The following TMEM200A variants were observed in gnomAD, a reference collection of about 807,000 sequenced individuals.
TMEM200A encodes two transmembrane C.
A neutral mutation model predicts 24.3 loss-of-function variants in TMEM200A; 12 were observed. That is an observed-to-expected ratio of 0.49 (90% confidence interval 0.32 to 0.80). The LOEUF is 0.80. TMEM200A is among the 30% of genes least tolerant of loss of function. The probability of loss-of-function intolerance (pLI) is 0.04; values close to 1 mark genes in which losing one functional copy is unlikely to be tolerated. For synonymous variants in TMEM200A, 224 were observed against 224.4 expected, an observed-to-expected ratio of 1.00 and a Z score of 0.02; for missense variants, 545 against 614.4, an observed-to-expected ratio of 0.89 and a Z score of 1.19.
intron 2 of TMEM200A, among the ~76,000 whole-genome samples, chr6:130,385,817 A>T (rs1291569587): frequency 6.6e-6 from 1 of 152,190 alleles, no homozygotes; most frequent in Non-Finnish European, 1.5e-5. Context: ...AACTACAGAA[A>T]TAATTTGCAG....
chr6:130,418,959 A>G (rs528926650), intron 2 of TMEM200A, among the ~76,000 whole-genome samples: 1 of 152,210 alleles, frequency 6.6e-6, no homozygotes, highest in African/African-American at 2.4e-5. Context: ...AATGTACGAT[A>G]CGTTGTTGTT....
chr6:130,412,453 T>C (rs948150982), intron 2 of TMEM200A, among the ~76,000 whole-genome samples: 2 of 152,104 alleles, frequency 1.3e-5, no homozygotes, highest in African/African-American at 4.8e-5. Context: ...ATCTCAGCTC[T>C]CTCAGATTCT....
chr6:130,400,308 C>T (rs1209984463), intron 2 of TMEM200A, among the ~76,000 whole-genome samples: 4 of 152,042 alleles, frequency 2.6e-5, no homozygotes, highest in Non-Finnish European at 5.9e-5. Context: ...ACTTTTAGTT[C>T]TTGAAGGAAT....
At chr6:130,390,846 C>T (rs982915117) in intron 2 of TMEM200A, among the ~76,000 whole-genome samples, 1 of 152,192 alleles carries the variant, frequency 6.6e-6, no homozygotes, top group Middle Eastern at 3.2e-3. Flanking sequence ...TGCTCTCTGT[C>T]AGCTCACCTT....
chr6:130,376,542 C>G (rs1175916180), intron 1 of TMEM200A, among the ~76,000 whole-genome samples: 3 of 152,146 alleles, frequency 2.0e-5, no homozygotes, highest in Admixed American at 1.3e-4. Context: ...CCTTGGGACT[C>G]ACAAAGTGCT....
At chr6:130,382,705 C>T (rs1778628806) in intron 1 of TMEM200A, among the ~76,000 whole-genome samples, 1 of 151,974 alleles carries the variant, frequency 6.6e-6, no homozygotes, top group Non-Finnish European at 1.5e-5. Flanking sequence ...GTGATTTTAC[C>T]ACTGGCAATG....
chr6:130,437,619 A>G (rs1780053441), intron 2 of TMEM200A: 1 of 152,204 alleles, frequency 6.6e-6, no homozygotes, highest in Non-Finnish European at 1.5e-5. Flanking sequence ...GAATGGCTGA[A>G]GAAAATGTGA....
intron 1 of TMEM200A, among the ~76,000 whole-genome samples, chr6:130,374,106 A>G (rs950109448): frequency 1.3e-5 from 2 of 152,202 alleles, no homozygotes; most frequent in African/African-American, 4.8e-5. Flanking sequence ...AGCCAGTGTT[A>G]TACATATCCT....
At chr6:130,434,225 T>A (rs965014528) in intron 2 of TMEM200A, among the ~76,000 whole-genome samples, 1 of 152,018 alleles carries the variant, frequency 6.6e-6, no homozygotes, top group African/African-American at 2.4e-5. Flanking sequence ...GCCAAGGCAC[T>A]GGGACAGCAT....
At chr6:130,439,849 T>G (rs760158101) in intron 2 of TMEM200A, among the ~76,000 whole-genome samples, 7 of 151,982 alleles carry the variant, frequency 4.6e-5, no homozygotes, top group Non-Finnish European at 1.0e-4. Flanking sequence ...AGGGGGAAAT[T>G]AAATGTGGCA....
intron 2 of TMEM200A, among the ~76,000 whole-genome samples, chr6:130,434,771 T>C (rs1779960508): frequency 6.6e-6 from 1 of 152,082 alleles, no homozygotes; most frequent in Non-Finnish European, 1.5e-5. Context: ...AGGCAAATGG[T>C]TCAAAGGGAA....
intron 2 of TMEM200A, among the ~76,000 whole-genome samples, chr6:130,406,016 A>T (rs952444227): frequency 6.6e-6 from 1 of 152,196 alleles, no homozygotes; most frequent in South Asian, 2.1e-4. Flanking sequence ...GCTTCTGGGA[A>T]TAGATGATCC....
At chr6:130,366,009 TG>T (rs1778132286), upstream of TMEM200A, 11 of 985,328 alleles carry the variant, frequency 1.1e-5, no homozygotes, top group Non-Finnish European at 1.3e-5. This position sits in a 1 kb window ranked among gnomAD's most constrained non-coding sequence, Gnocchi z 4.4. Context: ...GGTTTGGGGC[TG>T]GGATCCATCT....
At chr6:130,384,259 C>T (rs963945696) in intron 1 of TMEM200A, among the ~76,000 whole-genome samples, 18 of 152,172 alleles carry the variant, frequency 1.2e-4, no homozygotes, top group African/African-American at 4.1e-4. Flanking sequence ...TATCATGTTA[C>T]TGAAATTTTT....
Position 130,366,140 on chromosome 6 carries a change from G to C in TMEM200A, c.-465G>C. On this transcript the variant is annotated 5_prime_UTR_variant, in exon 1 of 3. Coordinates refer to ENST00000296978, the MANE Select transcript of TMEM200A (RefSeq NM_001258277.2). This position sits in a 1 kb window ranked among gnomAD's most constrained non-coding sequence, Gnocchi z 4.4. ...CCCTGCCCGGCTTGCTGCGCCCGGT[G>C]CCCTCCGAGGGCAGGCGCGCCTGGA... is the stretch of plus-strand genomic sequence containing the variant. 1.0e-6 allele frequency: 1 copy of C among 985,428 alleles called. No individual in the cohort carries two copies. The highest frequency in any genetic ancestry group is 5.2e-4 in the Middle Eastern group (1 of 1,908). 61.0% of individuals were successfully genotyped at this position (985,428 alleles called of 1,614,324 possible).
At chr6:130,404,268 G>A (rs1468214333) in intron 2 of TMEM200A, among the ~76,000 whole-genome samples, 1 of 152,126 alleles carries the variant, frequency 6.6e-6, no homozygotes, top group Non-Finnish European at 1.5e-5. Flanking sequence ...CTTCCACAGA[G>A]GATGAACTAA....
intron 2 of TMEM200A, among the ~76,000 whole-genome samples, chr6:130,417,710 A>G (rs549796061): frequency 4.6e-5 from 7 of 152,188 alleles, no homozygotes; most frequent in Admixed American, 2.6e-4. Context: ...ACATACACAC[A>G]CAAAATTTTA....
rs947379155 is a variant in TMEM200A at position 130,390,007 on chromosome 6, C to T, written c.-17+4771C>T. The stretch of plus-strand genomic sequence containing the variant: ...TTATTTTGCTTACAGGTTCATTAGG[C>T]ACTTGTCGAGAATGGCCAGAAACGT... On this transcript the variant is annotated intron_variant, in intron 2 of 2. Coordinates refer to ENST00000296978, the MANE Select transcript of TMEM200A (RefSeq NM_001258277.2). Among the ~76,000 whole-genome samples, 64 of 152,156 alleles carry T rather than the reference C, an allele frequency of 4.2e-4. 4 individuals are homozygous for T. The highest frequency in any genetic ancestry group is 2.9e-5 in the Non-Finnish European group (2 of 68,014).
chr6:130,383,433 G>T (rs1309255827), intron 1 of TMEM200A, among the ~76,000 whole-genome samples: 2 of 152,154 alleles, frequency 1.3e-5, no homozygotes, highest in South Asian at 2.1e-4. Flanking sequence ...AAACGTTCAT[G>T]ATGCCGTCTT....
Sources: gnomAD v4.1 joint callset for allele counts (sites outside exome capture counted in the v4.1 genomes callset) on GRCh38, gnomAD v4.1.1 for gene constraint, Gnocchi (gnomAD v3.1) non-coding constraint, MANE v1.5 for transcripts, NCBI Gene and HGNC (gene_info 2026-07-23, HGNC 2026-07-21) for gene names.